CADPS: variants seen among roughly 807,000 people sequenced by gnomAD.
CADPS encodes the protein calcium dependent secretion activator, also known as calcium-dependent secretion activator 1.
A neutral mutation model predicts 167.3 loss-of-function variants in CADPS; 57 were observed. That is an observed-to-expected ratio of 0.34 (90% CI 0.28 to 0.42). CADPS has a LOEUF of 0.42. CADPS is among the 20% of genes least tolerant of loss of function. The pLI is 1.00. For synonymous variants in CADPS, 676 were observed against 635.3 expected, an observed-to-expected ratio of 1.06 and a Z score of -0.96; for missense variants, 1,414 against 1,738.1, an observed-to-expected ratio of 0.81 and a Z score of 3.32.
Position 62,874,833 on chromosome 3 carries a change from C to A in CADPS, c.197G>T (p.Gly66Val). The change falls in exon 1 of 30, where the codon GGC (glycine) becomes GTC (valine). Residue 66 changes from glycine (G) to valine (V), a missense_variant. Transcript: ENST00000383710. This position sits in a 1 kb window ranked among gnomAD's most constrained non-coding sequence, Gnocchi z 7.1. ...CCCGCCGCCGCTGCTCGCGCCGCTGCCCCCGCCGCCGCCTGCACCCACCCC... is the reference window on the plus strand; with the variant it reads ...CCCGCCGCCGCTGCTCGCGCCGCTGACCCCGCCGCCGCCTGCACCCACCCC... Reference protein sequence around the residue: ...GAGVGAGGGGGSGASSGGGAG... With the variant: ...GAGVGAGGGGVSGASSGGGAG... The A allele has an allele frequency of 9.7e-7, 1 of 1,030,714 alleles. No individual in the cohort carries two copies. The highest frequency in any genetic ancestry group is 1.2e-6 in the Non-Finnish European group (1 of 850,784). The allele number at this position is 1,030,714 out of a possible 1,614,324, so 63.8% of individuals were successfully genotyped here.
At chr3:62,794,793 A>AAAAAAAAG (rs1553689820) in intron 1 of CADPS, among the ~76,000 whole-genome samples, 2,352 of 136,520 alleles carry the variant, frequency 0.017, 90 homozygotes, top group African/African-American at 0.075. Flanking sequence ...AAAAAAAAAA[A>AAAAAAAAG]AAAAAAAAAA....
chr3:62,657,533 T>G (rs1579797963), intron 4 of CADPS, among the ~76,000 whole-genome samples: 1 of 152,180 alleles, frequency 6.6e-6, no homozygotes, highest in Non-Finnish European at 1.5e-5. Flanking sequence ...TGGGTGAAAT[T>G]TGGGAACACT....
chr3:62,611,083 C>G (rs969058895), intron 6 of CADPS, among the ~76,000 whole-genome samples: 2 of 152,094 alleles, frequency 1.3e-5, no homozygotes, highest in African/African-American at 2.4e-5. Context: ...GTCAGTAGCA[C>G]TGAAGCTGAG....
intron 8 of CADPS, among the ~76,000 whole-genome samples, chr3:62,579,929 A>G (rs1046333137): frequency 6.6e-6 from 1 of 152,174 alleles, no homozygotes; most frequent in Non-Finnish European, 1.5e-5. Flanking sequence ...GAGGCTTGGA[A>G]GCCAATGGTG....
At chr3:62,565,479 T>TAAGGA (rs2079980299) in intron 9 of CADPS, among the ~76,000 whole-genome samples, 1 of 152,124 alleles carries the variant, frequency 6.6e-6, no homozygotes, top group Non-Finnish European at 1.5e-5. Context: ...CATCAGTATC[T>TAAGGA]CCTGGGGTGC....
At chr3:62,862,627 T>C (rs2081014808) in intron 1 of CADPS, among the ~76,000 whole-genome samples, 1 of 152,210 alleles carries the variant, frequency 6.6e-6, no homozygotes, top group African/African-American at 2.4e-5. Flanking sequence ...TTCCAGTTTT[T>C]TCAATAACCA....
At chr3:62,713,951 A>T (rs980575874) in intron 3 of CADPS, among the ~76,000 whole-genome samples, 2 of 152,116 alleles carry the variant, frequency 1.3e-5, no homozygotes, top group African/African-American at 2.4e-5. Context: ...GCAGCTTTTT[A>T]AAAAAATTTC....
At chr3:62,550,816 A>G (rs139787346) in intron 10 of CADPS, 2 of 456,686 alleles carry the variant, frequency 4.4e-6, no homozygotes, top group Admixed American at 4.7e-5. Flanking sequence ...TGACTGATTA[A>G]AAGCCCTCAT....
chr3:62,874,583 A>C lies in CADPS; in HGVS notation c.441+6T>G. On this transcript the variant is annotated splice_donor_region_variant and intron_variant, in intron 1 of 29. Coordinates refer to ENST00000383710, the MANE Select transcript of CADPS (RefSeq NM_003716.4). The surrounding 1 kb of genome is among the most constrained non-coding windows in gnomAD (Gnocchi z 7.1). ...GCTGCTCCCTGGGCCTCCCAGGCGCACCTACCTTCTGCTGCCGGCGAGCCA... is the reference window on the plus strand; with the variant it reads ...GCTGCTCCCTGGGCCTCCCAGGCGCCCCTACCTTCTGCTGCCGGCGAGCCA... 6.5e-7 allele frequency: 1 copy of C among 1,544,378 alleles called. No homozygotes were observed. The highest frequency in any genetic ancestry group is 8.7e-7 in the Non-Finnish European group (1 of 1,143,396).
chr3:62,723,258 C>G (rs548529501), intron 3 of CADPS, among the ~76,000 whole-genome samples: 23 of 152,230 alleles, frequency 1.5e-4, no homozygotes, highest in Admixed American at 4.6e-4. Context: ...AGATTTTTGT[C>G]AAGAGAAGAT....
At chr3:62,599,840 T>TA (rs1415710693) in intron 6 of CADPS, among the ~76,000 whole-genome samples, 1 of 11,144 alleles carries the variant, frequency 9.0e-5, no homozygotes, top group African/African-American at 2.3e-4. Context: ...ATATAATATA[T>TA]TATATATATA....
chr3:62,516,513 C>T (rs973724293), intron 15 of CADPS, 67 bp downstream of exon 15: 22 of 1,261,954 alleles, frequency 1.7e-5, no homozygotes, highest in Non-Finnish European at 2.3e-5. Flanking sequence ...TCAACCAAAA[C>T]ATTTCATTAC....
At chr3:62,783,686 T>G (rs140630307) in intron 1 of CADPS, among the ~76,000 whole-genome samples, 1,682 of 152,332 alleles carry the variant, frequency 0.011, 20 homozygotes, top group Non-Finnish European at 0.019. Context: ...TTACTTATAA[T>G]AGCAAATGTC....
At chr3:62,652,656 T>G in intron 4 of CADPS, among the ~76,000 whole-genome samples, 1 of 147,770 alleles carries the variant, frequency 6.8e-6, no homozygotes. Context: ...GAGAAAGAGG[T>G]AGAGACAAAG....
chr3:62,868,652 T>C (rs531990950), intron 1 of CADPS, among the ~76,000 whole-genome samples: 2 of 152,258 alleles, frequency 1.3e-5, no homozygotes, highest in South Asian at 2.1e-4. Context: ...TGCTGTCTTA[T>C]AACCTTTTGA....
intron 3 of CADPS, among the ~76,000 whole-genome samples, chr3:62,748,587 T>C (rs891434209): frequency 2.6e-5 from 4 of 152,128 alleles, no homozygotes; most frequent in African/African-American, 9.7e-5. Flanking sequence ...ATCTTGAAAA[T>C]GTTTTTAAAT....
intron 23 of CADPS, chr3:62,477,900 C>A (rs1047554595): frequency 1.5e-5 from 3 of 202,454 alleles, no homozygotes; most frequent in Non-Finnish European, 3.1e-5. Flanking sequence ...CTTTTTTTCC[C>A]TTCTAATTGT....
rs141384316 is a variant in CADPS, at chr3:62,649,458, G to A, written c.1203+1389C>T. Among the ~76,000 whole-genome samples, 4 of 147,340 alleles carry A rather than the reference G, an allele frequency of 2.7e-5. No individual in the cohort carries two copies. The East Asian group carries it at 8.1e-4, about 30-fold the overall frequency. On this transcript the variant is annotated intron_variant, in intron 5 of 29. Coordinates refer to ENST00000383710, the MANE Select transcript of CADPS (RefSeq NM_003716.4). ...TTTCTTATGCCCTTTTTCACCCCTT[G>A]CCCCAGGGAACATTAATCCACTTCC...
In CADPS at chr3:62,399,372, G is replaced by T; in HGVS notation, c.*34C>A. The T allele has an allele frequency of 6.2e-7, 1 of 1,604,080 alleles. No homozygotes were observed. The highest frequency in any genetic ancestry group is 8.5e-7 in the Non-Finnish European group (1 of 1,171,194). On this transcript the variant is annotated 3_prime_UTR_variant, in exon 30 of 30. Transcript: ENST00000383710. This position sits in a 1 kb window ranked among gnomAD's most constrained non-coding sequence, Gnocchi z 5.6. ...GACTAAGGACATGCACTGATTACAG[G>T]ACTCTGTCCCAGCAGACTCTAGGAC...
Sources: allele counts gnomAD v4.1 joint callset (sites outside exome capture counted in the v4.1 genomes callset), GRCh38; gene constraint gnomAD v4.1.1; non-coding constraint Gnocchi (gnomAD v3.1); transcripts MANE v1.5; gene names NCBI Gene and HGNC (gene_info 2026-07-23, HGNC 2026-07-21).